The following STYX variants were observed in gnomAD, a reference collection of about 807,000 sequenced individuals.
STYX encodes the protein serine/threonine/tyrosine-interacting protein.
In STYX, 20 loss-of-function variants were observed where a neutral mutation model predicts 42.7. The observed-to-expected ratio is 0.47, with a 90% confidence interval of 0.33 to 0.68. STYX has a LOEUF of 0.68. STYX is among the 30% of genes least tolerant of loss of function. The pLI is 0.02. For synonymous variants in STYX, 78 were observed against 81.9 expected, an observed-to-expected ratio of 0.95 and a Z score of 0.26; for missense variants, 226 against 268.5, an observed-to-expected ratio of 0.84 and a Z score of 1.11.
At chr14:52,753,219 T>G (rs1364870100) in intron 4 of STYX, among the ~76,000 whole-genome samples, 1 of 151,692 alleles carries the variant, frequency 6.6e-6, no homozygotes, top group African/African-American at 2.4e-5. Flanking sequence ...CCAGATAATT[T>G]TTTTTGTATT....
At chr14:52,755,641 T>A (rs1285304309) in intron 4 of STYX, among the ~76,000 whole-genome samples, 1 of 152,162 alleles carries the variant, frequency 6.6e-6, no homozygotes, top group Non-Finnish European at 1.5e-5. Context: ...CTTTTAAGTA[T>A]TTTGTAAAGT....
chr14:52,773,803 A>C lies in STYX; in HGVS notation c.*2697A>C, dbSNP rs1280497174. ...CCATTTCTGTGATTCTTTTATTACC[A>C]CTGATGTTTTGTGATAGTTAACTAT... On this transcript the variant is annotated 3_prime_UTR_variant, in exon 11 of 11. Transcript: ENST00000354586. 6.6e-6 allele frequency: 1 copy of C among 152,072 alleles called. No individual in the cohort carries two copies. The highest frequency in any genetic ancestry group is 1.5e-5 in the Non-Finnish European group (1 of 68,000). 9.4% of individuals were successfully genotyped at this position (152,072 alleles called of 1,614,324 possible). A position where few individuals can be genotyped will look rare whatever the true frequency, so the allele number is the denominator to read the frequency against.
rs1880637085 is a variant in STYX at position 52,730,296 on chromosome 14, C to T, written c.-179C>T. On this transcript the variant is annotated 5_prime_UTR_variant, in exon 1 of 11. Transcript: ENST00000354586. ...ACCCTCCTCTTCCCTGTCTTCGCCGCCGCCGCTGCTGGAGTCACTGGGACC... is the reference window on the plus strand; with the variant it reads ...ACCCTCCTCTTCCCTGTCTTCGCCGTCGCCGCTGCTGGAGTCACTGGGACC... 3 of 621,442 alleles carry T rather than the reference C, an allele frequency of 4.8e-6. No homozygotes were observed. Among genetic ancestry groups the T allele is most frequent in the East Asian group, 5.7e-5 (2 of 35,164 alleles). The allele number at this position is 621,442 out of a possible 1,614,324, so 38.5% of individuals were successfully genotyped here.
chr14:52,741,889 G>T (rs913659382), intron 1 of STYX, among the ~76,000 whole-genome samples: 4 of 151,894 alleles, frequency 2.6e-5, no homozygotes, highest in South Asian at 2.1e-4. Flanking sequence ...CTGCAGTTTT[G>T]TAAGTGTAAC....
intron 9 of STYX, among the ~76,000 whole-genome samples, chr14:52,763,778 G>A (rs77137752): frequency 6.6e-6 from 1 of 152,028 alleles, no homozygotes; most frequent in Non-Finnish European, 1.5e-5. Context: ...AAAAGAAGAT[G>A]CATTCTGTTT....
rs965431078 is a variant in STYX at position 52,773,436 on chromosome 14, C to G, written c.*2330C>G. ...CACTGCAACCTCCACCTCCTGGGTTCAAGTGATTTTCCTGCCTCAGCCTCC... is the reference window on the plus strand; with the variant it reads ...CACTGCAACCTCCACCTCCTGGGTTGAAGTGATTTTCCTGCCTCAGCCTCC... On this transcript the variant is annotated 3_prime_UTR_variant, in exon 11 of 11. Coordinates refer to ENST00000354586, the MANE Select transcript of STYX (RefSeq NM_145251.4). 2 of 151,260 alleles carry G rather than the reference C, an allele frequency of 1.3e-5. No homozygotes were observed. The highest frequency in any genetic ancestry group is 4.9e-5 in the African/African-American group (2 of 41,112). The allele number at this position is 151,260 out of a possible 1,614,324, so 9.4% of individuals were successfully genotyped here. A position where few individuals can be genotyped will look rare whatever the true frequency, so the allele number is the denominator to read the frequency against.
intron 2 of STYX, 62 bp from the exon 3 acceptor site, chr14:52,746,364 T>C: frequency 7.7e-7 from 1 of 1,301,978 alleles, no homozygotes; most frequent in Admixed American, 2.5e-5. Context: ...GTTTGTCTTA[T>C]TTATATAGCC....
In STYX at chr14:52,771,258, A is replaced by AT. The variant is rs1882499219; in HGVS notation, c.*156dup. On this transcript the variant is annotated 3_prime_UTR_variant, in exon 11 of 11. Transcript: ENST00000354586. ...ACTTCTCTGCAACTTGTTGAGCAAC[A>AT]TTTTAAGATGTTGGACTTCTGCAAT... The AT allele has an allele frequency of 3.1e-6, 2 of 636,530 alleles. No individual in the cohort carries two copies. The highest frequency in any genetic ancestry group is 5.2e-6 in the Non-Finnish European group (2 of 386,490). 39.4% of individuals were successfully genotyped at this position (636,530 alleles called of 1,614,324 possible).
intron 1 of STYX, among the ~76,000 whole-genome samples, chr14:52,741,328 T>C (rs1469845954): frequency 6.6e-6 from 1 of 151,930 alleles, no homozygotes; most frequent in Admixed American, 6.6e-5. Flanking sequence ...CAGCAATGTG[T>C]GAGAGTCCCA....
chr14:52,745,010 T>G, intron 2 of STYX, 126 bp downstream of exon 2: 1 of 688,102 alleles, frequency 1.5e-6, no homozygotes, highest in Non-Finnish European at 2.2e-6. Context: ...TTTAAATAAT[T>G]ATTTTAAATA....
At chr14:52,764,666 C>CTTTTTTTTTTTT (rs58502916) in intron 9 of STYX, among the ~76,000 whole-genome samples, 1 of 99,014 alleles carries the variant, frequency 1.0e-5, no homozygotes. Flanking sequence ...TTTACTTTTC[C>CTTTTTTTTTTTT]TTTTTTTTTT....
At chr14:52,769,209 CGGTTA>C (rs1181145864) in intron 10 of STYX, among the ~76,000 whole-genome samples, 1 of 151,978 alleles carries the variant, frequency 6.6e-6, no homozygotes, top group Non-Finnish European at 1.5e-5. Context: ...AAGTAGAGGG[CGGTTA>C]ATACAGCGTG....
In STYX at chr14:52,745,151, G is replaced by A. The variant is rs184913266; in HGVS notation, c.90+267G>A. Among the ~76,000 whole-genome samples the A allele has an allele frequency of 7.6e-4, 105 of 138,742 alleles. 1 individual carries two copies. Among genetic ancestry groups the A allele is most frequent in the Middle Eastern group, 4.2e-3 (1 of 236 alleles). The allele number at this position is 138,742 out of a possible 152,430, so 91.0% of individuals were successfully genotyped here. A position where few individuals can be genotyped will look rare whatever the true frequency, so the allele number is the denominator to read the frequency against. ...TTTTTTTTTTTTGAAACAGAGTTTC[G>A]CTCTTGTTGCCCAGGCTAGAGTGCA... On this transcript the variant is annotated intron_variant, in intron 2 of 10. Coordinates refer to ENST00000354586, the MANE Select transcript of STYX (RefSeq NM_145251.4).
intron 10 of STYX, 81 bp from the exon 11 acceptor site, chr14:52,770,952 A>G: frequency 7.6e-7 from 1 of 1,321,160 alleles, no homozygotes; most frequent in Non-Finnish European, 1.1e-6. Context: ...ATGATCACTT[A>G]ATAACAAAAT....
chr14:52,761,108 C>T (rs1882074699), intron 9 of STYX, among the ~76,000 whole-genome samples: 2 of 152,112 alleles, frequency 1.3e-5, no homozygotes, highest in South Asian at 4.1e-4. Flanking sequence ...GTGAGTGGAA[C>T]ACCTGAGGTC....
At chr14:52,749,686 C>G (rs2139902003) in intron 3 of STYX, among the ~76,000 whole-genome samples, 1 of 152,284 alleles carries the variant, frequency 6.6e-6, no homozygotes, top group South Asian at 2.1e-4. Flanking sequence ...CTCACTTAAA[C>G]TTATCACTAG....
Position 52,750,794 on chromosome 14 carries a change from CT to C in STYX, c.242+15del. On this transcript the variant is annotated intron_variant, in intron 4 of 10. Transcript: ENST00000354586. ...GCAGTTATTTAGGTAAGAATTATTG[CT>C]ATGATTTGTAAAACACTTAATGAAG... is the stretch of plus-strand genomic sequence containing the variant. 6.7e-7 allele frequency: 1 copy of C among 1,482,990 alleles called. No individual in the cohort carries two copies. The highest frequency in any genetic ancestry group is 9.2e-7 in the Non-Finnish European group (1 of 1,083,882). 91.9% of individuals were successfully genotyped at this position (1,482,990 alleles called of 1,614,324 possible).
chr14:52,762,857 CTTTT>C (rs1882146557), intron 9 of STYX, among the ~76,000 whole-genome samples: 1 of 61,008 alleles, frequency 1.6e-5, no homozygotes, highest in Admixed American at 1.5e-4. Flanking sequence ...TTGATTTTTT[CTTTT>C]CTTTCTTTCT....
intron 9 of STYX, among the ~76,000 whole-genome samples, chr14:52,762,991 C>T (rs570416651): frequency 3.7e-4 from 52 of 139,792 alleles, no homozygotes; most frequent in African/African-American, 1.4e-3. Flanking sequence ...CACCTGGGTT[C>T]AAGTGATTCT....
Sources: gnomAD v4.1 joint callset for allele counts (sites outside exome capture counted in the v4.1 genomes callset) on GRCh38, gnomAD v4.1.1 for gene constraint, MANE v1.5 for transcripts, NCBI Gene and HGNC (gene_info 2026-07-23, HGNC 2026-07-21) for gene names.